Variants in MTMR10 observed in about 807,000 individuals in gnomAD.
MTMR10 encodes myotubularin-related protein 10.
Under a neutral mutation model 88.1 loss-of-function variants are expected in MTMR10, and 56 were observed. That is an observed-to-expected ratio of 0.64 (90% CI 0.51 to 0.79). MTMR10 has a LOEUF of 0.79. Ranked by LOEUF, MTMR10 falls within the 30% of genes least tolerant of loss-of-function variation. The probability of loss-of-function intolerance (pLI) is 0.00; values close to 1 mark genes in which losing one functional copy is unlikely to be tolerated. For missense variants in MTMR10, 883 were observed against 924.7 expected (o/e 0.95, Z 0.58); for synonymous variants, 380 against 340.9 (o/e 1.11, Z -1.26).
chr15:30,969,206 C>T (rs942665060), intron 5 of MTMR10, among the ~76,000 whole-genome samples: 5 of 151,916 alleles, frequency 3.3e-5, no homozygotes, highest in African/African-American at 1.2e-4. Flanking sequence ...TTTCCTGTCT[C>T]ACTAAGTTAA....
At chr15:30,922,459 A>C in the MTMR10 span, 3 of 1,166,086 alleles carry the variant, frequency 2.6e-6, no homozygotes, top group African/African-American at 4.6e-5. Context: ...TAGAACATGT[A>C]TTTCTTTTGT....
At chr15:30,934,555 G>T (rs1485856909), downstream of MTMR10, among the ~76,000 whole-genome samples, 1 of 151,788 alleles carries the variant, frequency 6.6e-6, no homozygotes, top group Admixed American at 6.6e-5. Context: ...TGTGGTTTTT[G>T]TATTTTTTAG....
intron 2 of MTMR10, 43 bp downstream of exon 2, chr15:30,990,734 A>T: frequency 6.5e-7 from 1 of 1,544,438 alleles, no homozygotes; most frequent in Non-Finnish European, 8.9e-7. Context: ...TTAAACCAAA[A>T]TACGTTGCTA....
chr15:30,967,764 A>G (rs2063489644), intron 6 of MTMR10, among the ~76,000 whole-genome samples, 156 bp downstream of exon 6: 1 of 152,176 alleles, frequency 6.6e-6, no homozygotes, highest in Admixed American at 6.5e-5. Context: ...CTGACAAACT[A>G]TTGGCTCTTT....
intron 6 of MTMR10, among the ~76,000 whole-genome samples, chr15:30,962,883 A>G (rs1401991385): frequency 1.3e-5 from 2 of 152,230 alleles, no homozygotes; most frequent in African/African-American, 4.8e-5. Context: ...AGAGAGTTCT[A>G]AGGAACAAGT....
chr15:30,971,830 T>C (rs1013444365), intron 5 of MTMR10, among the ~76,000 whole-genome samples: 6 of 152,172 alleles, frequency 3.9e-5, no homozygotes, highest in African/African-American at 1.2e-4. Flanking sequence ...TCTTTCTTTA[T>C]ACAGACCTTT....
intron 14 of MTMR10, among the ~76,000 whole-genome samples, chr15:30,944,247 A>G (rs2063134019): frequency 6.6e-6 from 1 of 152,186 alleles, no homozygotes; most frequent in Admixed American, 6.5e-5. Flanking sequence ...GTAAAAATTC[A>G]TTAAGCACCA....
chr15:30,967,404 C>T (rs770163364), intron 6 of MTMR10, among the ~76,000 whole-genome samples: 2 of 152,158 alleles, frequency 1.3e-5, no homozygotes, highest in Non-Finnish European at 2.9e-5. Flanking sequence ...CTAGAATATA[C>T]TTGTCCTTGG....
At position 30,972,566 on chromosome 15, in the gene MTMR10, A is replaced by G. The variant is rs189801829; in HGVS notation, c.474+1748T>C. Among the ~76,000 whole-genome samples the G allele has an allele frequency of 4.2e-3, 640 of 152,294 alleles. 2 individuals are homozygous for G. Among genetic ancestry groups the G allele is most frequent in the Non-Finnish European group, 7.8e-3 (534 of 68,026 alleles). On this transcript the variant is annotated intron_variant, in intron 5 of 15. Transcript: ENST00000435680. ...TCTTCATGAACCAGCAGCACAACAC[A>G]TAGGGGATATTCTGAATTTCCACAG...
chr15:30,985,564 A>G (rs1373507638), intron 2 of MTMR10, among the ~76,000 whole-genome samples: 1 of 152,200 alleles, frequency 6.6e-6, no homozygotes, highest in Non-Finnish European at 1.5e-5. Flanking sequence ...TCAGCAAACT[A>G]TAGTTTTCAC....
chr15:30,928,456 G>GT, the MTMR10 span: 7 of 1,524,128 alleles, frequency 4.6e-6, no homozygotes, highest in Admixed American at 6.5e-5. Flanking sequence ...TTGAAATTGA[G>GT]TGTGCAGTAG....
intron 1 of MTMR10, 95 bp from the exon 2 acceptor site, chr15:30,990,932 G>C (rs141246916): frequency 2.0e-6 from 2 of 1,024,106 alleles, no homozygotes; most frequent in Admixed American, 4.7e-5. Context: ...TGACACATGC[G>C]AAAGACACAC....
chr15:30,990,614 T>C lies in MTMR10; in HGVS notation c.121+163A>G, dbSNP rs185381645. 3.9e-5 allele frequency among the ~76,000 whole-genome samples: 6 copies of C among 152,338 alleles called. No homozygotes were observed. In the East Asian group the frequency reaches 1.2e-3, roughly 29 times the overall value. ...GGAGACAAAAAAGGAAATGAGGTAA[T>C]GACATTCTTGACAGTTCCTTTTTCT... On this transcript the variant is annotated intron_variant, in intron 2 of 15. Coordinates refer to ENST00000435680, the MANE Select transcript of MTMR10 (RefSeq NM_017762.3).
chr15:30,928,323 T>A, the MTMR10 span: 1 of 1,299,874 alleles, frequency 7.7e-7, no homozygotes, highest in Non-Finnish European at 9.7e-7. Context: ...TTTGAATTTT[T>A]CTATGATTAC....
Position 30,941,545 on chromosome 15 carries a change from T to C in MTMR10, c.2259A>G (p.Leu753=). 1 of 1,607,318 alleles carries C rather than the reference T, an allele frequency of 6.2e-7. No homozygotes were observed. The highest frequency in any genetic ancestry group is 8.5e-7 in the Non-Finnish European group (1 of 1,176,324). Reference sequence around the variant, plus strand: ...TTAAAAATTTGCTTAATGGTGTTCCTAAAATGCTTCGTCTGCACAGATTCC... The same window carrying C: ...TTAAAAATTTGCTTAATGGTGTTCCCAAAATGCTTCGTCTGCACAGATTCC... The part of the protein sequence containing the change: ...PVGNLCRRSI[L]GTPLSKFLSG... Residue 753 remains leucine, a synonymous_variant, in exon 16 of 16, where the codon TTA becomes TTG. Transcript: ENST00000435680.
intron 6 of MTMR10, among the ~76,000 whole-genome samples, chr15:30,966,213 TA>T (rs1201163054): frequency 6.6e-6 from 1 of 152,182 alleles, no homozygotes; most frequent in Non-Finnish European, 1.5e-5. Context: ...ATCAATAAGC[TA>T]TATAAGAAGA....
intron 2 of MTMR10, among the ~76,000 whole-genome samples, chr15:30,978,681 A>G (rs1402196870): frequency 6.6e-6 from 1 of 152,186 alleles, no homozygotes; most frequent in African/African-American, 2.4e-5. Flanking sequence ...CAGATAAAGG[A>G]TTTGCACCCA....
At position 30,957,059 on chromosome 15, in the gene MTMR10, G is replaced by C. The variant is rs141315606; in HGVS notation, c.935+1804C>G. Among the ~76,000 whole-genome samples, 53 of 152,168 alleles carry C rather than the reference G, an allele frequency of 3.5e-4. No homozygotes were observed. The East Asian group carries it at 8.5e-3, about 24-fold the overall frequency. ...CAGTGAATATGGCTCTGTCAGTTAC[G>C]GTACAGTGGAAAAACCCTACACTCT... On this transcript the variant is annotated intron_variant, in intron 9 of 15. Transcript: ENST00000435680.
At chr15:30,980,053 C>T (rs2030461742) in intron 2 of MTMR10, among the ~76,000 whole-genome samples, 1 of 152,186 alleles carries the variant, frequency 6.6e-6, no homozygotes, top group African/African-American at 2.4e-5. Context: ...TTGCTGATCC[C>T]TGTGTTAGAG....
Sources: gnomAD v4.1 joint callset for allele counts (sites outside exome capture counted in the v4.1 genomes callset) on GRCh38, gnomAD v4.1.1 for gene constraint, MANE v1.5 for transcripts, NCBI Gene and HGNC (gene_info 2026-07-23, HGNC 2026-07-21) for gene names.